SLC19A1: variants seen among roughly 807,000 people sequenced by gnomAD.
The protein encoded by SLC19A1 is reduced folate transporter.
In SLC19A1, 37 loss-of-function variants were observed where a neutral mutation model predicts 35.3. The observed-to-expected ratio is 1.05, with a 90% CI of 0.81 to 1.38. SLC19A1 has a LOEUF of 1.38. Ranked by LOEUF, SLC19A1 falls within the 40% of genes most tolerant of loss-of-function variation. The pLI is 0.00. For synonymous variants in SLC19A1, 460 were observed against 398.5 expected (o/e 1.15, Z -1.84); for missense variants, 831 against 826.9 (o/e 1.00, Z -0.06).
downstream of SLC19A1, chr21:45,509,749 T>G: frequency 1.4e-6 from 1 of 700,944 alleles, no homozygotes; most frequent in Non-Finnish European, 2.6e-6. Context: ...CAGGGCGGCT[T>G]GGCTGGCCCT....
chr21:45,504,330 G>T, intron 3 of SLC19A1: 1 of 1,405,018 alleles, frequency 7.1e-7, no homozygotes, highest in Admixed American at 2.0e-5. Flanking sequence ...GCTTCTGACT[G>T]CCCAGCCCTG....
upstream of SLC19A1, among the ~76,000 whole-genome samples, chr21:45,543,244 C>G (rs1304706450): frequency 6.6e-6 from 1 of 152,218 alleles, no homozygotes; most frequent in Non-Finnish European, 1.5e-5. Context: ...GCCGAAAGCC[C>G]AAGGCCTGTG....
intron 3 of SLC19A1, chr21:45,505,686 C>T: frequency 4.3e-6 from 3 of 703,680 alleles, no homozygotes; most frequent in Non-Finnish European, 7.4e-6. Flanking sequence ...GGCAGGGGTC[C>T]CCATGGTGCT....
chr21:45,538,494 G>A (rs1030551378), intron 1 of SLC19A1, among the ~76,000 whole-genome samples: 2 of 152,164 alleles, frequency 1.3e-5, no homozygotes, highest in African/African-American at 2.4e-5. Context: ...AGGCAGGAAC[G>A]GACGCTGCTG....
At chr21:45,551,381 T>C (rs148679738) in intron 1 of SLC19A1, among the ~76,000 whole-genome samples, 288 of 152,364 alleles carry the variant, frequency 1.9e-3, no homozygotes, top group African/African-American at 6.3e-3. Flanking sequence ...TTAACTGCTA[T>C]GTTCCTTTAA....
chr21:45,536,685 G>A (rs1297371563), intron 2 of SLC19A1, among the ~76,000 whole-genome samples: 1 of 152,216 alleles, frequency 6.6e-6, no homozygotes, highest in Non-Finnish European at 1.5e-5. Context: ...CAATTCTAGG[G>A]TCTGGGAGGG....
In SLC19A1 at chr21:45,534,148, G is replaced by A. The variant is rs1016644672; in HGVS notation, c.190-2000C>T. On this transcript the variant is annotated intron_variant, in intron 2 of 5. Coordinates refer to ENST00000311124, the MANE Select transcript of SLC19A1 (RefSeq NM_194255.4). This position sits in a 1 kb window ranked among gnomAD's most constrained non-coding sequence, Gnocchi z 4.2. ...TGCCAGGAGGCTGAGTGAGCCCGCCGGGTCACAGAGAGCCTCAGGGCCAGC... is the reference window on the plus strand; with the variant it reads ...TGCCAGGAGGCTGAGTGAGCCCGCCAGGTCACAGAGAGCCTCAGGGCCAGC... Among the ~76,000 whole-genome samples, 3 of 152,194 alleles carry A rather than the reference G, an allele frequency of 2.0e-5. No individual in the cohort carries two copies. Among genetic ancestry groups the A allele is most frequent in the Non-Finnish European group, 2.9e-5 (2 of 68,022 alleles).
upstream of SLC19A1, among the ~76,000 whole-genome samples, chr21:45,546,213 A>C (rs1016219481): frequency 2.6e-5 from 4 of 152,260 alleles, no homozygotes; most frequent in Non-Finnish European, 5.9e-5. Flanking sequence ...TGAAGCCAGA[A>C]GCCAGAAGCC....
intron 1 of SLC19A1, among the ~76,000 whole-genome samples, chr21:45,560,145 C>T (rs961183533): frequency 1.3e-5 from 2 of 152,154 alleles, no homozygotes; most frequent in African/African-American, 2.4e-5. Context: ...AACCGTGCAG[C>T]CTTCCTGGGG....
chr21:45,508,627 C>T (rs1381849240), downstream of SLC19A1, among the ~76,000 whole-genome samples: 1 of 152,046 alleles, frequency 6.6e-6, no homozygotes, highest in Non-Finnish European at 1.5e-5. Context: ...TTAATTGGCT[C>T]AGGAGTGAGG....
intron 3 of SLC19A1, among the ~76,000 whole-genome samples, chr21:45,504,750 C>A (rs551535978): frequency 5.3e-5 from 8 of 152,216 alleles, no homozygotes; most frequent in African/African-American, 1.9e-4. Context: ...ACCCCGGACA[C>A]CCCCCGTCCC....
chr21:45,526,627 A>C (rs1353141695), intron 4 of SLC19A1, among the ~76,000 whole-genome samples: 2 of 152,216 alleles, frequency 1.3e-5, no homozygotes, highest in East Asian at 1.9e-4. Context: ...CCAGGCGTGC[A>C]ATGGCACAAT....
intron 1 of SLC19A1, among the ~76,000 whole-genome samples, chr21:45,555,535 G>A (rs2078551561): frequency 6.7e-6 from 1 of 148,894 alleles, no homozygotes; most frequent in Admixed American, 6.6e-5. Context: ...GGTGCAGGGG[G>A]CGGCGGCGGG....
In SLC19A1 at chr21:45,503,879, T is replaced by A; in HGVS notation, c.498-5267A>T. 4 of 814,946 alleles carry A rather than the reference T, an allele frequency of 4.9e-6. No homozygotes were observed. In the South Asian group the frequency reaches 6.0e-5, roughly 12 times the overall value. The allele number at this position is 814,946 out of a possible 1,614,324, so 50.5% of individuals were successfully genotyped here. On this transcript the variant is annotated intron_variant, in intron 3 of 4. Transcript: ENST00000417954. ...TATCGGTTAACTAGGAAGAACCTAA[T>A]TAAATACGCGATCTCTACCGCGAAA...
At chr21:45,505,229 C>A in intron 3 of SLC19A1, 1 of 1,590,708 alleles carries the variant, frequency 6.3e-7, no homozygotes. Flanking sequence ...GCCCTCCCGG[C>A]CCCCCAGGCC....
intron 3 of SLC19A1, chr21:45,504,177 C>G: frequency 8.4e-7 from 1 of 1,196,984 alleles, no homozygotes; most frequent in East Asian, 2.4e-5. Flanking sequence ...GCGAGGGGCG[C>G]TGGCTCCAGA....
rs893379814 is a variant in SLC19A1, at chr21:45,514,783, G to A, written c.*875C>T. ...CACATCAGATGGTCCCGCACCTGTG[G>A]GCAAGGCACTAGCGCTCCTTAGACC... On this transcript the variant is annotated 3_prime_UTR_variant, in exon 6 of 6. Coordinates refer to ENST00000311124, the MANE Select transcript of SLC19A1 (RefSeq NM_194255.4). 3 of 522,362 alleles carry A rather than the reference G, an allele frequency of 5.7e-6. No homozygotes were observed. Among genetic ancestry groups the A allele is most frequent in the Non-Finnish European group, 1.0e-5 (3 of 301,102 alleles). The allele number at this position is 522,362 out of a possible 1,614,324, so 32.4% of individuals were successfully genotyped here. A position where few individuals can be genotyped will look rare whatever the true frequency, so the allele number is the denominator to read the frequency against.
chr21:45,509,615 C>A (rs191291169), downstream of SLC19A1: 3 of 1,306,430 alleles, frequency 2.3e-6, no homozygotes, highest in South Asian at 1.3e-5. Flanking sequence ...AGTGCCCCCC[C>A]AAAGTGGGCT....
intron 5 of SLC19A1, among the ~76,000 whole-genome samples, chr21:45,518,856 GGCAAAAAACAA>G (rs1256302626): frequency 6.6e-6 from 1 of 151,792 alleles, no homozygotes; most frequent in African/African-American, 2.4e-5. Context: ...CTAAAATAAT[GGCAAAAAACAA>G]ACAAAAAACA....
Sources: gnomAD v4.1 joint callset for allele counts (sites outside exome capture counted in the v4.1 genomes callset) on GRCh38, gnomAD v4.1.1 for gene constraint, Gnocchi (gnomAD v3.1) non-coding constraint, MANE v1.5 for transcripts, NCBI Gene and HGNC (gene_info 2026-07-23, HGNC 2026-07-21) for gene names.